Variants in CAMK1D observed in about 807,000 individuals in gnomAD.
CAMK1D encodes calcium/calmodulin dependent protein kinase ID.
In CAMK1D, 9 loss-of-function variants were observed where a neutral mutation model predicts 47.7. The ratio of observed to expected loss-of-function variants is 0.19; its 90% CI spans 0.11 to 0.33. The LOEUF is 0.33. Ranked by LOEUF, CAMK1D falls within the 10% of genes least tolerant of loss-of-function variation. The probability of loss-of-function intolerance (pLI) is 1.00; values close to 1 mark genes in which losing one functional copy is unlikely to be tolerated. For missense variants in CAMK1D, 291 were observed against 488.7 expected (o/e 0.60, Z 3.81); for synonymous variants, 184 against 184.9 (o/e 0.99, Z 0.04).
At chr10:12,554,742 C>T (rs1020119073) in intron 2 of CAMK1D, among the ~76,000 whole-genome samples, 2 of 151,966 alleles carry the variant, frequency 1.3e-5, no homozygotes, top group Admixed American at 1.3e-4. Flanking sequence ...GGAGGGCTCA[C>T]TGTGTTGCCC....
At chr10:12,725,235 C>T (rs1834569969) in intron 3 of CAMK1D, 1 of 154,096 alleles carries the variant, frequency 6.5e-6, no homozygotes. Flanking sequence ...AATCGGCACC[C>T]TTGGAATGCA....
chr10:12,440,413 G>A (rs977343101), intron 1 of CAMK1D, among the ~76,000 whole-genome samples: 7 of 151,824 alleles, frequency 4.6e-5, no homozygotes, highest in African/African-American at 1.7e-4. Context: ...TCAGCCTCCT[G>A]AGTAGCTGGG....
chr10:12,523,186 G>A (rs1458514008), intron 1 of CAMK1D, among the ~76,000 whole-genome samples: 3 of 151,446 alleles, frequency 2.0e-5, no homozygotes, highest in Non-Finnish European at 3.0e-5. Flanking sequence ...CATCCCAGAC[G>A]GGGCGGTGGG....
At chr10:12,393,628 A>G (rs901616136) in intron 1 of CAMK1D, among the ~76,000 whole-genome samples, 2 of 152,234 alleles carry the variant, frequency 1.3e-5, no homozygotes, top group African/African-American at 4.8e-5. Context: ...TCCTGTAAGC[A>G]GAGACCAAAT....
rs867322487 is a variant in CAMK1D, at chr10:12,645,973, T to G, written c.225-20763T>G. Reference sequence around the variant, plus strand: ...GATTTCTCATAAATGGCTAGTTGTTTTTTTTTTTTTTTTAAGTAACTGAAA... The same window carrying G: ...GATTTCTCATAAATGGCTAGTTGTTGTTTTTTTTTTTTTAAGTAACTGAAA... On this transcript the variant is annotated intron_variant, in intron 2 of 10. Coordinates refer to ENST00000619168, the MANE Select transcript of CAMK1D (RefSeq NM_153498.4). 4.2e-4 allele frequency among the ~76,000 whole-genome samples: 61 copies of G among 146,064 alleles called. 1 individual carries two copies. In the Middle Eastern group the frequency reaches 0.022, roughly 52 times the overall value.
intron 1 of CAMK1D, among the ~76,000 whole-genome samples, chr10:12,495,543 A>G (rs1834512951): frequency 2.6e-5 from 4 of 152,230 alleles, no homozygotes. Flanking sequence ...AATGGCACAA[A>G]ACATTTAGCT....
intron 1 of CAMK1D, among the ~76,000 whole-genome samples, chr10:12,412,623 CA>C (rs1193655289): frequency 3.0e-3 from 77 of 25,598 alleles, no homozygotes; most frequent in African/African-American, 7.1e-3. Flanking sequence ...GACGCCATCT[CA>C]AAAAAAAAAA....
At chr10:12,403,759 T>C (rs1839314270) in intron 1 of CAMK1D, among the ~76,000 whole-genome samples, 1 of 152,122 alleles carries the variant, frequency 6.6e-6, no homozygotes, top group Non-Finnish European at 1.5e-5. Context: ...AACAACTATA[T>C]TGTATAATGC....
rs563047513 is a variant in CAMK1D, at chr10:12,711,697, C to T, written c.299+44887C>T. On this transcript the variant is annotated intron_variant, in intron 3 of 10. Transcript: ENST00000619168. The stretch of plus-strand genomic sequence containing the variant: ...TGAGGCAGGGAAGGACGCTCTGGCC[C>T]GGAGCCGGAGTCCTCACACCACTTT... 5.3e-3 allele frequency among the ~76,000 whole-genome samples: 807 copies of T among 152,222 alleles called. 3 individuals carry two copies. Among genetic ancestry groups the T allele is most frequent in the Admixed American group, 0.01 (159 of 15,292 alleles).
chr10:12,631,948 G>C (rs573126360), intron 2 of CAMK1D, among the ~76,000 whole-genome samples: 1 of 152,324 alleles, frequency 6.6e-6, no homozygotes, highest in Non-Finnish European at 1.5e-5. Context: ...GCACACAGGA[G>C]GTGCTCAGTA....
intron 1 of CAMK1D, among the ~76,000 whole-genome samples, chr10:12,484,093 G>A (rs986005366): frequency 6.6e-6 from 1 of 152,170 alleles, no homozygotes; most frequent in Non-Finnish European, 1.5e-5. Context: ...TAGAAGGCAG[G>A]CTTGGGTGGC....
chr10:12,791,304 C>A, intron 6 of CAMK1D, 71 bp downstream of exon 6: 1 of 1,355,578 alleles, frequency 7.4e-7, no homozygotes, highest in Non-Finnish European at 1.1e-6. Flanking sequence ...ATACATGAAA[C>A]AAAATTTACC....
At chr10:12,533,213 C>A (rs1274598209) in intron 1 of CAMK1D, among the ~76,000 whole-genome samples, 1 of 152,134 alleles carries the variant, frequency 6.6e-6, no homozygotes, top group Non-Finnish European at 1.5e-5. Flanking sequence ...CTACTGTGTA[C>A]CCACAAAAAT....
intron 1 of CAMK1D, among the ~76,000 whole-genome samples, chr10:12,428,457 G>A (rs548362211): frequency 6.6e-6 from 1 of 152,182 alleles, no homozygotes; most frequent in Non-Finnish European, 1.5e-5. Flanking sequence ...TATTCCTCAA[G>A]GTGCCCGTTT....
At chr10:12,580,097 G>A (rs1337990275) in intron 2 of CAMK1D, among the ~76,000 whole-genome samples, 3 of 152,172 alleles carry the variant, frequency 2.0e-5, no homozygotes, top group East Asian at 1.9e-4. Context: ...ATACTGCTCT[G>A]TGGAACCTCG....
chr10:12,373,862 G>A (rs1055830422), intron 1 of CAMK1D, among the ~76,000 whole-genome samples: 2 of 149,986 alleles, frequency 1.3e-5, no homozygotes, highest in Admixed American at 6.7e-5. Flanking sequence ...ATCACTGGAG[G>A]TCAGGAGTTC....
intron 1 of CAMK1D, among the ~76,000 whole-genome samples, chr10:12,384,205 A>G (rs1450765528): frequency 6.6e-6 from 1 of 152,254 alleles, no homozygotes; most frequent in Non-Finnish European, 1.5e-5. Context: ...GAAATTAATG[A>G]AGACTTAAAT....
chr10:12,437,085 A>G (rs1487043515), intron 1 of CAMK1D, among the ~76,000 whole-genome samples: 4 of 146,638 alleles, frequency 2.7e-5, no homozygotes, highest in African/African-American at 1.0e-4. Context: ...GGCATCTACT[A>G]GGGAAGCTTG....
At chr10:12,764,381 CA>C (rs56657709) in intron 4 of CAMK1D, among the ~76,000 whole-genome samples, 5 of 77,982 alleles carry the variant, frequency 6.4e-5, no homozygotes, top group East Asian at 4.1e-4. Context: ...CACTTTGTCT[CA>C]AAAAAAAAAA....
Sources: allele counts gnomAD v4.1 joint callset (sites outside exome capture counted in the v4.1 genomes callset), GRCh38; gene constraint gnomAD v4.1.1; transcripts MANE v1.5; gene names NCBI Gene and HGNC (gene_info 2026-07-23, HGNC 2026-07-21).